SGMS1: variants seen among roughly 807,000 people sequenced by gnomAD.
SGMS1 encodes the protein sphingomyelin synthase 1, also known as phosphatidylcholine:ceramide cholinephosphotransferase 1.
In SGMS1, 13 loss-of-function variants were observed where a neutral mutation model predicts 46.2. The observed-to-expected ratio is 0.28, with a 90% CI of 0.18 to 0.45. SGMS1 has a LOEUF of 0.45. Ranked by LOEUF, SGMS1 falls within the 20% of genes least tolerant of loss-of-function variation. The pLI, the probability that SGMS1 is intolerant of heterozygous loss-of-function variation, is 1.00. For missense variants in SGMS1, 324 were observed against 519.9 expected, an observed-to-expected ratio of 0.62 and a Z score of 3.66; for synonymous variants, 203 against 187.8, an observed-to-expected ratio of 1.08 and a Z score of -0.66.
intron 6 of SGMS1, among the ~76,000 whole-genome samples, chr10:50,385,440 CT>C (rs1848668385): frequency 6.6e-6 from 1 of 152,202 alleles, no homozygotes; most frequent in South Asian, 2.1e-4. Context: ...CCCTAGTCCT[CT>C]TTCCTTCAGT....
chr10:50,365,454 C>T (rs781255410), intron 6 of SGMS1, among the ~76,000 whole-genome samples: 12 of 151,936 alleles, frequency 7.9e-5, no homozygotes, highest in African/African-American at 2.4e-4. Context: ...ACAAGATACA[C>T]GTGCAGAGCA....
intron 8 of SGMS1, among the ~76,000 whole-genome samples, chr10:50,324,329 G>A (rs1847496706): frequency 6.6e-6 from 1 of 152,094 alleles, no homozygotes; most frequent in African/African-American, 2.4e-5. Flanking sequence ...ATTTTTACAG[G>A]GGCAATTAAG....
intron 2 of SGMS1, among the ~76,000 whole-genome samples, chr10:50,566,399 C>A (rs1838288106): frequency 6.6e-6 from 1 of 152,134 alleles, no homozygotes; most frequent in South Asian, 2.1e-4. Flanking sequence ...CAGCAGAGGA[C>A]ACTAAAACCA....
intron 2 of SGMS1, among the ~76,000 whole-genome samples, chr10:50,564,866 A>G (rs1337382152): frequency 6.6e-6 from 1 of 151,678 alleles, no homozygotes; most frequent in Non-Finnish European, 1.5e-5. Context: ...TTACATATGT[A>G]TACATCAGAT....
intron 2 of SGMS1, among the ~76,000 whole-genome samples, chr10:50,575,047 G>A (rs761700042): frequency 1.4e-5 from 2 of 144,580 alleles, no homozygotes; most frequent in East Asian, 2.1e-4. Context: ...CAACATAGAC[G>A]TGGAAGACGT....
At chr10:50,544,613 CAGA>C (rs1297120939) in intron 2 of SGMS1, among the ~76,000 whole-genome samples, 22 of 152,044 alleles carry the variant, frequency 1.4e-4, no homozygotes, top group African/African-American at 4.8e-4. Context: ...CTGCAAATTC[CAGA>C]AGAAGTAAAA....
chr10:50,384,389 C>CTT (rs139460454), intron 6 of SGMS1, among the ~76,000 whole-genome samples: 8,998 of 150,926 alleles, frequency 0.06, 623 homozygotes, highest in African/African-American at 0.17. Context: ...TTCTTTTTCT[C>CTT]TCTCTCTCTC....
At chr10:50,389,803 T>C (rs1848738257) in intron 6 of SGMS1, among the ~76,000 whole-genome samples, 1 of 152,058 alleles carries the variant, frequency 6.6e-6, no homozygotes, top group African/African-American at 2.4e-5. Context: ...ATGAAGCTTT[T>C]TGTTTGTACA....
At chr10:50,514,177 A>G (rs1366936249) in intron 3 of SGMS1, among the ~76,000 whole-genome samples, 1 of 152,230 alleles carries the variant, frequency 6.6e-6, no homozygotes, top group Non-Finnish European at 1.5e-5. Flanking sequence ...TTTCTAAATG[A>G]TGCAGTCTGA....
chr10:50,550,948 C>A (rs770678430), intron 2 of SGMS1, among the ~76,000 whole-genome samples: 10 of 152,130 alleles, frequency 6.6e-5, no homozygotes, highest in Non-Finnish European at 1.0e-4. Flanking sequence ...AAAAATAAAT[C>A]ATTGATTAAA....
intron 3 of SGMS1, among the ~76,000 whole-genome samples, chr10:50,479,470 T>C (rs1275987258): frequency 6.6e-6 from 1 of 152,158 alleles, no homozygotes; most frequent in Non-Finnish European, 1.5e-5. Flanking sequence ...TATTGAACAA[T>C]ATATTGGAGA....
At chr10:50,371,688 G>A (rs1355444032) in intron 6 of SGMS1, among the ~76,000 whole-genome samples, 1 of 152,098 alleles carries the variant, frequency 6.6e-6, no homozygotes, top group South Asian at 2.1e-4. Flanking sequence ...CCACTCCCAT[G>A]TCGTCTCTTC....
intron 8 of SGMS1, among the ~76,000 whole-genome samples, chr10:50,313,635 A>G (rs1847293690): frequency 6.6e-6 from 1 of 152,244 alleles, no homozygotes; most frequent in South Asian, 2.1e-4. Flanking sequence ...AATTATGGCA[A>G]AAAAGCTTGG....
chr10:50,449,640 CGTGTGT>C (rs10581530), intron 5 of SGMS1, among the ~76,000 whole-genome samples: 4 of 150,072 alleles, frequency 2.7e-5, no homozygotes, highest in African/African-American at 4.9e-5. Context: ...AGTGTGTGCA[CGTGTGT>C]GTGTGTGTGT....
At chr10:50,474,325 G>A (rs1457203389) in intron 3 of SGMS1, 3 of 152,116 alleles carry the variant, frequency 2.0e-5, no homozygotes, top group Non-Finnish European at 2.9e-5. Context: ...TGTTTGTTTT[G>A]TTTTTAAAGG....
At chr10:50,348,547 G>T (rs1014778547) in intron 6 of SGMS1, among the ~76,000 whole-genome samples, 1 of 152,048 alleles carries the variant, frequency 6.6e-6, no homozygotes, top group African/African-American at 2.4e-5. Flanking sequence ...GCCAAATCAT[G>T]AGTGAACTCC....
At chr10:50,540,282 G>C (rs1838040457) in intron 2 of SGMS1, among the ~76,000 whole-genome samples, 1 of 152,124 alleles carries the variant, frequency 6.6e-6, no homozygotes, top group Non-Finnish European at 1.5e-5. Context: ...GCCAGCCCAG[G>C]GGAAGGATGT....
intron 5 of SGMS1, among the ~76,000 whole-genome samples, chr10:50,451,657 G>A (rs1332463375): frequency 6.6e-6 from 1 of 152,002 alleles, no homozygotes; most frequent in Non-Finnish European, 1.5e-5. Flanking sequence ...TATAACATGG[G>A]ATTCTGAAGA....
chr10:50,533,151 A>G (rs1268823511), intron 2 of SGMS1, among the ~76,000 whole-genome samples: 1 of 152,238 alleles, frequency 6.6e-6, no homozygotes, highest in African/African-American at 2.4e-5. Flanking sequence ...ATGTTTCCAT[A>G]TAACTTTTCT....
Sources: allele counts gnomAD v4.1 joint callset (sites outside exome capture counted in the v4.1 genomes callset), GRCh38; gene constraint gnomAD v4.1.1; transcripts MANE v1.5; gene names NCBI Gene and HGNC (gene_info 2026-07-23, HGNC 2026-07-21).